UNC13C: variants seen among roughly 807,000 people sequenced by gnomAD.
UNC13C encodes the protein protein unc-13 homolog C.
UNC13C carries 174 observed loss-of-function variants against 245.4 expected under a neutral mutation model. That is an observed-to-expected ratio of 0.71 (90% CI 0.63 to 0.80). The LOEUF (loss-of-function observed/expected upper bound fraction) is 0.80. Ranked by LOEUF, UNC13C falls within the 30% of genes least tolerant of loss-of-function variation. UNC13C has a pLI of 0.00. For missense variants in UNC13C, 2,829 were observed against 2,602.9 expected (o/e 1.09, Z -1.89); for synonymous variants, 992 against 895.1 (o/e 1.11, Z -1.93).
the UNC13C span, among the ~76,000 whole-genome samples, chr15:53,873,347 A>G: frequency 2.0e-5 from 3 of 152,012 alleles, no homozygotes; most frequent in South Asian, 4.1e-4. Flanking sequence ...TCCCTGACTA[A>G]GTAGTACCCC....
chr15:53,851,088 G>C, the UNC13C span, among the ~76,000 whole-genome samples: 1 of 151,130 alleles, frequency 6.6e-6, no homozygotes, highest in Non-Finnish European at 1.5e-5. Flanking sequence ...TTATATCCTT[G>C]AGCATATATA....
intron 8 of UNC13C, among the ~76,000 whole-genome samples, chr15:54,250,923 A>AT (rs201542292): frequency 0.028 from 4,304 of 151,312 alleles, 90 homozygotes; most frequent in East Asian, 0.074. Context: ...AGCCTGGCTA[A>AT]TTTTTTGTAT....
At chr15:53,918,504 A>G in the UNC13C span, among the ~76,000 whole-genome samples, 1 of 152,234 alleles carries the variant, frequency 6.6e-6, no homozygotes, top group African/African-American at 2.4e-5. Flanking sequence ...CAGACGCAGC[A>G]TCAGTCCATG....
At chr15:54,552,566 T>C (rs1340467832) in intron 28 of UNC13C, among the ~76,000 whole-genome samples, 1 of 27,628 alleles carries the variant, frequency 3.6e-5, no homozygotes, top group Non-Finnish European at 6.8e-5. Flanking sequence ...TAATTATATA[T>C]TATATATAAT....
chr15:54,205,519 A>G (rs2034679971), intron 4 of UNC13C, among the ~76,000 whole-genome samples: 2 of 152,020 alleles, frequency 1.3e-5, no homozygotes, highest in Admixed American at 6.6e-5. Flanking sequence ...TACCTGCCAC[A>G]CAGTAAAGGC....
chr15:54,442,173 C>G (rs978475810), intron 19 of UNC13C, among the ~76,000 whole-genome samples: 16 of 150,612 alleles, frequency 1.1e-4, no homozygotes, highest in African/African-American at 3.9e-4. Flanking sequence ...TTTTTCTTGC[C>G]TGATTGCTCT....
intron 4 of UNC13C, among the ~76,000 whole-genome samples, chr15:54,186,039 A>G (rs867715887): frequency 4.0e-5 from 6 of 151,456 alleles, no homozygotes; most frequent in African/African-American, 1.5e-4. Flanking sequence ...GCAATTGTGA[A>G]TGGGAGTTCA....
intron 1 of UNC13C, among the ~76,000 whole-genome samples, chr15:54,001,144 T>C (rs1472380568): frequency 6.6e-6 from 1 of 152,206 alleles, no homozygotes; most frequent in Non-Finnish European, 1.5e-5. Context: ...TTGATAAATT[T>C]ATTACTTTTT....
At chr15:53,915,855 T>C in the UNC13C span, among the ~76,000 whole-genome samples, 4 of 152,154 alleles carry the variant, frequency 2.6e-5, 1 homozygote, top group South Asian at 8.3e-4. Flanking sequence ...AAACCATGGT[T>C]GAAATCTATG....
At chr15:54,323,796 A>G (rs1259952887) in intron 14 of UNC13C, among the ~76,000 whole-genome samples, 1 of 152,106 alleles carries the variant, frequency 6.6e-6, no homozygotes, top group Non-Finnish European at 1.5e-5. Context: ...AATATAAAGC[A>G]TGCTGCACTA....
chr15:53,994,177 G>A (rs1894514556), intron 1 of UNC13C, among the ~76,000 whole-genome samples: 1 of 120,196 alleles, frequency 8.3e-6, no homozygotes, highest in African/African-American at 3.8e-5. Flanking sequence ...GTATAATTTG[G>A]TATCCCACAA....
chr15:54,232,921 ATG>A (rs2140820792), intron 4 of UNC13C, among the ~76,000 whole-genome samples: 1 of 152,244 alleles, frequency 6.6e-6, no homozygotes, highest in African/African-American at 2.4e-5. Context: ...GATGTTTTGA[ATG>A]TGGAAGGGTC....
chr15:54,613,318 T>C (rs1292838839), intron 30 of UNC13C, among the ~76,000 whole-genome samples: 3 of 151,974 alleles, frequency 2.0e-5, no homozygotes, highest in South Asian at 4.1e-4. Context: ...ATCCCAATAG[T>C]TGACATATTA....
intron 8 of UNC13C, among the ~76,000 whole-genome samples, chr15:54,253,276 A>C (rs2036199532): frequency 1.3e-5 from 2 of 152,212 alleles, no homozygotes; most frequent in African/African-American, 4.8e-5. Context: ...TGATGGTGAA[A>C]TCCAACTCAC....
chr15:54,392,974 A>T, intron 17 of UNC13C, 74 bp from the exon 18 acceptor site: 10 of 1,392,674 alleles, frequency 7.2e-6, no homozygotes, highest in Non-Finnish European at 9.4e-6. Context: ...TTGATCTTCT[A>T]TTTGACAGTG....
At position 54,439,499 on chromosome 15, in the gene UNC13C, A is replaced by C. The variant is rs114866208; in HGVS notation, c.4933+24432A>C. On this transcript the variant is annotated intron_variant, in intron 19 of 32. Coordinates refer to ENST00000260323, the MANE Select transcript of UNC13C (RefSeq NM_001080534.3). Reference sequence around the variant, plus strand: ...TCAATTATAATAGAAATAAATTTTAAATTTTAAATTACCAAGATCCTACAA... The same window carrying C: ...TCAATTATAATAGAAATAAATTTTACATTTTAAATTACCAAGATCCTACAA... Among the ~76,000 whole-genome samples the C allele has an allele frequency of 7.9e-3, 1,195 of 152,088 alleles. 7 individuals carry two copies. The highest frequency in any genetic ancestry group is 0.027 in the African/African-American group (1,132 of 41,536).
the UNC13C span, among the ~76,000 whole-genome samples, chr15:53,849,577 G>A: frequency 6.6e-6 from 1 of 152,056 alleles, no homozygotes; most frequent in African/African-American, 2.4e-5. Context: ...TTTCCTTTGA[G>A]CACTTATATA....
intron 2 of UNC13C, among the ~76,000 whole-genome samples, chr15:54,023,903 T>C (rs528111030): frequency 3.9e-5 from 6 of 152,326 alleles, no homozygotes; most frequent in African/African-American, 7.2e-5. Flanking sequence ...TGAATAGTTT[T>C]TATTTGCTTG....
At chr15:54,220,454 G>A (rs532196500) in intron 4 of UNC13C, among the ~76,000 whole-genome samples, 7 of 139,844 alleles carry the variant, frequency 5.0e-5, no homozygotes, top group East Asian at 2.1e-4. Context: ...TGTGGGGTAG[G>A]GGGAGGGGGG....
Sources: allele counts gnomAD v4.1 joint callset (sites outside exome capture counted in the v4.1 genomes callset), GRCh38; gene constraint gnomAD v4.1.1; transcripts MANE v1.5; gene names NCBI Gene and HGNC (gene_info 2026-07-23, HGNC 2026-07-21).